DR1: variants seen among roughly 807,000 people sequenced by gnomAD.
DR1 encodes the protein down-regulator of transcription 1.
A neutral mutation model predicts 19.9 loss-of-function variants in DR1; 7 were observed. The observed-to-expected ratio is 0.35, with a 90% CI of 0.20 to 0.66. The LOEUF is 0.66. Ranked by LOEUF, DR1 falls within the 30% of genes least tolerant of loss-of-function variation. The pLI is 0.66. For synonymous variants in DR1, 76 were observed against 72.5 expected (o/e 1.05, Z -0.24); for missense variants, 98 against 203.7 (o/e 0.48, Z 3.16).
chr1:93,358,333 A>G (rs887733985), intron 2 of DR1, among the ~76,000 whole-genome samples: 5 of 151,954 alleles, frequency 3.3e-5, no homozygotes, highest in African/African-American at 4.8e-5. Context: ...ATATGGGGCT[A>G]TCGTGGGAGA....
In DR1 at chr1:93,363,933, ATT is replaced by A. The variant is rs1667089534; in HGVS notation, c.*3295_*3296del. 2 of 152,218 alleles carry A rather than the reference ATT, an allele frequency of 1.3e-5. No individual in the cohort carries two copies. Among genetic ancestry groups the A allele is most frequent in the Non-Finnish European group, 2.9e-5 (2 of 68,040 alleles). 9.4% of individuals were successfully genotyped at this position (152,218 alleles called of 1,614,324 possible). A position where few individuals can be genotyped will look rare whatever the true frequency, so the allele number is the denominator to read the frequency against. On this transcript the variant is annotated 3_prime_UTR_variant, in exon 3 of 3. Coordinates refer to ENST00000370272, the MANE Select transcript of DR1 (RefSeq NM_001938.3). ...TTTGAGAATTTTTCAATTCTGAGCT[ATT>A]ATGAATAGTACTGTGTAGAACATTC...
At position 93,364,789 on chromosome 1, in the gene DR1, T is replaced by C. The variant is rs1454276989; in HGVS notation, c.*4150T>C. 1.3e-5 allele frequency: 2 copies of C among 151,652 alleles called. No individual in the cohort carries two copies. Among genetic ancestry groups the C allele is most frequent in the Non-Finnish European group, 2.9e-5 (2 of 67,958 alleles). The allele number at this position is 151,652 out of a possible 1,614,324, so 9.4% of individuals were successfully genotyped here. A position where few individuals can be genotyped will look rare whatever the true frequency, so the allele number is the denominator to read the frequency against. On this transcript the variant is annotated 3_prime_UTR_variant, in exon 3 of 3. Coordinates refer to ENST00000370272, the MANE Select transcript of DR1 (RefSeq NM_001938.3). ...AGGAATAAGAGGAAGAAACTTTTTT[T>C]TTTTTTTTAAAGAAACAGGGTCTCA...
chr1:93,368,896 T>C lies in DR1; in HGVS notation c.*8257T>C, dbSNP rs780306994. 1 of 152,166 alleles carries C rather than the reference T, an allele frequency of 6.6e-6. No homozygotes were observed. The highest frequency in any genetic ancestry group is 2.4e-5 in the African/African-American group (1 of 41,448). 9.4% of individuals were successfully genotyped at this position (152,166 alleles called of 1,614,324 possible). A position where few individuals can be genotyped will look rare whatever the true frequency, so the allele number is the denominator to read the frequency against. On this transcript the variant is annotated 3_prime_UTR_variant, in exon 3 of 3. Transcript: ENST00000370272. ...AAGAAATTAAGTACTGTTGGCCCTC[T>C]GTGTCTGGGGGTTCCACATCTATAG...
At chr1:93,355,228 C>T (rs1268296125) in intron 2 of DR1, 1 of 151,980 alleles carries the variant, frequency 6.6e-6, no homozygotes, top group Non-Finnish European at 1.5e-5. Flanking sequence ...TTATTGTATT[C>T]ATTTACATAT....
At position 93,365,482 on chromosome 1, in the gene DR1, C is replaced by G. The variant is rs1181409810; in HGVS notation, c.*4843C>G. ...CTCCCCACCCTACTTCCAGTTGTGA[C>G]AACCCAAAAATGTCTCCAGACATAG... On this transcript the variant is annotated 3_prime_UTR_variant, in exon 3 of 3. Transcript: ENST00000370272. The G allele has an allele frequency of 6.6e-5, 10 of 152,498 alleles. No homozygotes were observed. The highest frequency in any genetic ancestry group is 3.3e-4 in the Admixed American group (5 of 15,304). The allele number at this position is 152,498 out of a possible 1,614,324, so 9.4% of individuals were successfully genotyped here.
Position 93,361,272 on chromosome 1 carries a change from T to G in DR1, c.*633T>G, listed in dbSNP as rs1667048768. Reference sequence around the variant, plus strand: ...TGGTTATGTTTTTTTATTTTGTTTCTGTTTTGTGTAGAGGTAAAAACTATA... The same window carrying G: ...TGGTTATGTTTTTTTATTTTGTTTCGGTTTTGTGTAGAGGTAAAAACTATA... On this transcript the variant is annotated 3_prime_UTR_variant, in exon 3 of 3. Coordinates refer to ENST00000370272, the MANE Select transcript of DR1 (RefSeq NM_001938.3). The G allele has an allele frequency of 6.6e-6, 1 of 152,644 alleles. No individual in the cohort carries two copies. The highest frequency in any genetic ancestry group is 1.5e-5 in the Non-Finnish European group (1 of 68,010). The allele number at this position is 152,644 out of a possible 1,614,324, so 9.5% of individuals were successfully genotyped here. A position where few individuals can be genotyped will look rare whatever the true frequency, so the allele number is the denominator to read the frequency against.
intron 1 of DR1, among the ~76,000 whole-genome samples, chr1:93,352,591 T>A (rs1419924592): frequency 6.6e-6 from 1 of 152,224 alleles, no homozygotes; most frequent in Non-Finnish European, 1.5e-5. Context: ...CATGTAGATT[T>A]GTAAAGGTGT....
rs1667184761 is a variant in DR1 at position 93,367,738 on chromosome 1, G to T, written c.*7099G>T. 6.6e-6 allele frequency: 1 copy of T among 152,322 alleles called. No individual in the cohort carries two copies. The highest frequency in any genetic ancestry group is 1.5e-5 in the Non-Finnish European group (1 of 68,126). 9.4% of individuals were successfully genotyped at this position (152,322 alleles called of 1,614,324 possible). On this transcript the variant is annotated 3_prime_UTR_variant, in exon 3 of 3. Transcript: ENST00000370272. ...ATGTTATAATGAAATTACAGGCCGGGTGTGGTGGCTTACGCCTGTAATCCC... is the reference window on the plus strand; with the variant it reads ...ATGTTATAATGAAATTACAGGCCGGTTGTGGTGGCTTACGCCTGTAATCCC...
chr1:93,357,803 C>T (rs1224206803), intron 2 of DR1, among the ~76,000 whole-genome samples: 1 of 152,106 alleles, frequency 6.6e-6, no homozygotes. Context: ...ACACCAGCAC[C>T]ACCCTACTCC....
chr1:93,364,531 A>G lies in DR1; in HGVS notation c.*3892A>G, dbSNP rs1396828490. 1 of 152,070 alleles carries G rather than the reference A, an allele frequency of 6.6e-6. No homozygotes were observed. The highest frequency in any genetic ancestry group is 2.4e-5 in the African/African-American group (1 of 41,376). 9.4% of individuals were successfully genotyped at this position (152,070 alleles called of 1,614,324 possible). A position where few individuals can be genotyped will look rare whatever the true frequency, so the allele number is the denominator to read the frequency against. On this transcript the variant is annotated 3_prime_UTR_variant, in exon 3 of 3. Transcript: ENST00000370272. ...CAGATGGCATAGGCACTGCCTTCCA[A>G]TTTCTTCATTTGTATTTTTTTGTTG...
At position 93,363,409 on chromosome 1, in the gene DR1, C is replaced by T. The variant is rs1393181204; in HGVS notation, c.*2770C>T. On this transcript the variant is annotated 3_prime_UTR_variant, in exon 3 of 3. Transcript: ENST00000370272. ...TTTATTCTTTTATAGTCCTGGAGATCAGAAGTCCAAAAATCAGTTTCATTA... is the reference window on the plus strand; with the variant it reads ...TTTATTCTTTTATAGTCCTGGAGATTAGAAGTCCAAAAATCAGTTTCATTA... The T allele has an allele frequency of 6.6e-6, 1 of 152,174 alleles. No individual in the cohort carries two copies. Among genetic ancestry groups the T allele is most frequent in the Non-Finnish European group, 1.5e-5 (1 of 68,036 alleles). The allele number at this position is 152,174 out of a possible 1,614,324, so 9.4% of individuals were successfully genotyped here.
In DR1 at chr1:93,367,112, T is replaced by C. The variant is rs577864244; in HGVS notation, c.*6473T>C. The C allele has an allele frequency of 3.3e-5, 5 of 150,002 alleles. No individual in the cohort carries two copies. The highest frequency in any genetic ancestry group is 1.2e-4 in the African/African-American group (5 of 40,208). 9.3% of individuals were successfully genotyped at this position (150,002 alleles called of 1,614,324 possible). A position where few individuals can be genotyped will look rare whatever the true frequency, so the allele number is the denominator to read the frequency against. Reference sequence around the variant, plus strand: ...CTGCGGTGAGCCGTGATGGTACCACTGCATTCCAGCCTGGGTGACAGAATG... The same window carrying C: ...CTGCGGTGAGCCGTGATGGTACCACCGCATTCCAGCCTGGGTGACAGAATG... On this transcript the variant is annotated 3_prime_UTR_variant, in exon 3 of 3. Coordinates refer to ENST00000370272, the MANE Select transcript of DR1 (RefSeq NM_001938.3).
intron 1 of DR1, among the ~76,000 whole-genome samples, chr1:93,353,337 G>T (rs1466404435): frequency 6.6e-6 from 1 of 151,884 alleles, no homozygotes; most frequent in Non-Finnish European, 1.5e-5. Flanking sequence ...TTCCTGTTAA[G>T]TTTTATTTTC....
intron 2 of DR1, among the ~76,000 whole-genome samples, chr1:93,359,079 C>T (rs757399975): frequency 1.8e-4 from 28 of 152,026 alleles, no homozygotes; most frequent in Non-Finnish European, 4.0e-4. Flanking sequence ...TTGGGGTAGA[C>T]ACTAATTTGG....
intron 1 of DR1, among the ~76,000 whole-genome samples, chr1:93,350,639 T>G (rs1018641969): frequency 6.6e-6 from 1 of 152,128 alleles, no homozygotes; most frequent in Non-Finnish European, 1.5e-5. Context: ...CAAAGAAATT[T>G]TTACTTCTTT....
chr1:93,351,663 T>C (rs1666914277), intron 1 of DR1, among the ~76,000 whole-genome samples: 1 of 152,164 alleles, frequency 6.6e-6, no homozygotes, highest in African/African-American at 2.4e-5. Flanking sequence ...CTCTAACTCC[T>C]GACTTCAAGT....
chr1:93,359,848 C>T lies in DR1; in HGVS notation c.385-645C>T, dbSNP rs532128164. The stretch of plus-strand genomic sequence containing the variant: ...TAGTATCTTTTTACTAGTGTGTATA[C>T]GGGAAGGATATGTATATTTGTATGT... On this transcript the variant is annotated intron_variant, in intron 2 of 2. Transcript: ENST00000370272. 1.8e-4 allele frequency among the ~76,000 whole-genome samples: 27 copies of T among 151,758 alleles called. No homozygotes were observed. In the South Asian group the frequency reaches 3.1e-3, roughly 18 times the overall value.
At chr1:93,354,300 A>C (rs552193976) in intron 2 of DR1, among the ~76,000 whole-genome samples, 1 of 152,158 alleles carries the variant, frequency 6.6e-6, no homozygotes, top group Non-Finnish European at 1.5e-5. Context: ...ATTTCACTTG[A>C]TATTTTTTCA....
chr1:93,356,446 C>G (rs1478460890), intron 2 of DR1, among the ~76,000 whole-genome samples: 2 of 151,920 alleles, frequency 1.3e-5, no homozygotes, highest in Non-Finnish European at 2.9e-5. Context: ...TTTTTATGTT[C>G]AGAGAAAAGT....
Sources: gnomAD v4.1 joint callset for allele counts (sites outside exome capture counted in the v4.1 genomes callset) on GRCh38, gnomAD v4.1.1 for gene constraint, MANE v1.5 for transcripts, NCBI Gene and HGNC (gene_info 2026-07-23, HGNC 2026-07-21) for gene names.